The following PPM1A variants were observed in gnomAD, a reference collection of about 807,000 sequenced individuals.
PPM1A encodes the protein protein phosphatase, Mg2+/Mn2+ dependent 1A, also known as protein phosphatase 1A.
A neutral mutation model predicts 35.0 loss-of-function variants in PPM1A; 7 were observed. The ratio of observed to expected loss-of-function variants is 0.20; its 90% CI spans 0.11 to 0.38. The LOEUF (loss-of-function observed/expected upper bound fraction) is 0.38, where lower values mean the gene tolerates loss of function less well. PPM1A is among the 10% of genes least tolerant of loss of function. The pLI is 1.00. For synonymous variants in PPM1A, 153 were observed against 167.3 expected (o/e 0.91, Z 0.66); for missense variants, 239 against 467.8 (o/e 0.51, Z 4.51).
At chr14:60,276,597 GC>G (rs1358505004) in intron 1 of PPM1A, among the ~76,000 whole-genome samples, 2 of 152,116 alleles carry the variant, frequency 1.3e-5, no homozygotes, top group Non-Finnish European at 2.9e-5. Flanking sequence ...TGTTTATAAA[GC>G]CTGGGGGGCG....
chr14:60,279,838 T>C (rs1394113279), intron 1 of PPM1A, among the ~76,000 whole-genome samples: 1 of 152,168 alleles, frequency 6.6e-6, no homozygotes, highest in Non-Finnish European at 1.5e-5. Context: ...GGAGGAAATA[T>C]TATTGTGATT....
chr14:60,250,732 C>G (rs981469399), intron 1 of PPM1A, among the ~76,000 whole-genome samples: 2 of 152,170 alleles, frequency 1.3e-5, no homozygotes, highest in Non-Finnish European at 2.9e-5. Flanking sequence ...GTAAAACAGT[C>G]TTTTCAAACT....
chr14:60,248,234 A>ATTAACTTTAGCTCATCTC (rs1482246304), upstream of PPM1A, among the ~76,000 whole-genome samples: 1 of 152,138 alleles, frequency 6.6e-6, no homozygotes, highest in Non-Finnish European at 1.5e-5. Context: ...TGCAGTTTCT[A>ATTAACTTTAGCTCATCTC]TTAACTTTAG....
upstream of PPM1A, among the ~76,000 whole-genome samples, chr14:60,247,323 C>T (rs932780723): frequency 2.0e-5 from 3 of 151,864 alleles, no homozygotes; most frequent in African/African-American, 7.3e-5. Flanking sequence ...TGGAAATGAT[C>T]CACGATCATC....
rs762434790 is a variant in PPM1A, at chr14:60,282,765, G to C, written c.62G>C (p.Gly21Ala). The C allele has an allele frequency of 1.2e-6, 2 of 1,614,120 alleles. No individual in the cohort carries two copies. The highest frequency in any genetic ancestry group is 2.7e-5 in the African/African-American group (2 of 74,932). Residue 21 changes from glycine (G) to alanine (A), a missense_variant, in exon 2 of 6, where the codon GGG becomes GCG. This residue lies in a region of PPM1A where 175 missense variants were observed against 389.2 expected (regional missense o/e 0.45). Transcript: ENST00000395076. The surrounding 1 kb of genome is among the most constrained non-coding windows in gnomAD (Gnocchi z 5.1). ...CATAATGCCCAGGGGCAGGGTAATG[G>C]GTTGCGATATGGGCTAAGCAGCATG... ...EKHNAQGQGN[G>A]LRYGLSSMQG...
At chr14:60,291,559 A>T (rs1241971517) in intron 5 of PPM1A, 105 bp downstream of exon 5, 1 of 823,966 alleles carries the variant, frequency 1.2e-6, no homozygotes, top group African/African-American at 1.7e-5. Flanking sequence ...ATTCTCTTAC[A>T]CACACCCCTG....
At chr14:60,287,955 A>C (rs1267592873) in intron 3 of PPM1A, 1 of 984,780 alleles carries the variant, frequency 1.0e-6, no homozygotes, top group African/African-American at 1.7e-5. Context: ...TATGTGAAAC[A>C]TGGATCTTCT....
In PPM1A at chr14:60,278,995, T is replaced by C. The variant is rs552333578; in HGVS notation, c.-20-3689T>C. On this transcript the variant is annotated intron_variant, in intron 1 of 5. Transcript: ENST00000395076. Reference sequence around the variant, plus strand: ...CTTCAAGACAGCATGTTTCAGACTTTTTGTTGTGACCACAGTAAGAATTAT... The same window carrying C: ...CTTCAAGACAGCATGTTTCAGACTTCTTGTTGTGACCACAGTAAGAATTAT... 6.1e-4 allele frequency among the ~76,000 whole-genome samples: 93 copies of C among 152,334 alleles called. No homozygotes were observed. In the South Asian group the frequency reaches 8.1e-3, roughly 13 times the overall value.
chr14:60,268,354 A>G, intron 1 of PPM1A: 2 of 975,534 alleles, frequency 2.1e-6, no homozygotes, highest in South Asian at 4.7e-5. Flanking sequence ...GAGAACTGTT[A>G]CTTTCCTCCA....
rs1887625443 is a variant in PPM1A, at chr14:60,291,465, T to C, written c.1119+11T>C. 6 of 1,566,770 alleles carry C rather than the reference T, an allele frequency of 3.8e-6. No homozygotes were observed. Among genetic ancestry groups the C allele is most frequent in the Non-Finnish European group, 5.2e-6 (6 of 1,148,062 alleles). ...AAAAATGACGACACTGTAAGTAGCA[T>C]TTTAGCTCCCTCTGCTTTCCCTTCC... On this transcript the variant is annotated intron_variant, in intron 5 of 5. Transcript: ENST00000395076.
chr14:60,250,526 A>T, intron 1 of PPM1A: 4 of 716,806 alleles, frequency 5.6e-6, no homozygotes, highest in Non-Finnish European at 6.8e-6. Flanking sequence ...CAAATCCACA[A>T]AAGTCATGCT....
chr14:60,278,009 T>A (rs1417097587), intron 1 of PPM1A, among the ~76,000 whole-genome samples: 1 of 152,232 alleles, frequency 6.6e-6, no homozygotes, highest in African/African-American at 2.4e-5. Flanking sequence ...TCACCGTGGC[T>A]TAGTTTCTTC....
intron 1 of PPM1A, among the ~76,000 whole-genome samples, chr14:60,259,224 G>A (rs1209409091): frequency 6.6e-6 from 1 of 152,044 alleles, no homozygotes; most frequent in Non-Finnish European, 1.5e-5. Flanking sequence ...AAGTCTGTTA[G>A]AGGCAAATGC....
rs1449004866 is a variant in PPM1A, at chr14:60,298,890, T to A, written c.*6408T>A. 1 of 151,926 alleles carries A rather than the reference T, an allele frequency of 6.6e-6. No individual in the cohort carries two copies. Among genetic ancestry groups the A allele is most frequent in the Non-Finnish European group, 1.5e-5 (1 of 67,798 alleles). The allele number at this position is 151,926 out of a possible 1,614,324, so 9.4% of individuals were successfully genotyped here. A position where few individuals can be genotyped will look rare whatever the true frequency, so the allele number is the denominator to read the frequency against. On this transcript the variant is annotated 3_prime_UTR_variant, in exon 6 of 6. Coordinates refer to ENST00000395076, the MANE Select transcript of PPM1A (RefSeq NM_021003.5). ...TAAAGAAATTCCATAAATGTATATT[T>A]TGTATTATGTATTATTTCCTGGTCC...
chr14:60,263,442 TC>T lies in PPM1A; in HGVS notation c.-21+13766del, dbSNP rs558437492. On this transcript the variant is annotated intron_variant, in intron 1 of 5. Coordinates refer to ENST00000395076, the MANE Select transcript of PPM1A (RefSeq NM_021003.5). ...ATGGCAACTTTATTATTTTATTTCT[TC>T]AACTCAGTTGTCTAGTTTACTTCAT... Among the ~76,000 whole-genome samples the T allele has an allele frequency of 7.2e-5, 11 of 152,372 alleles. No individual in the cohort carries two copies. In the South Asian group the frequency reaches 2.3e-3, roughly 32 times the overall value.
chr14:60,285,460 GCACA>G (rs547581603), intron 2 of PPM1A, among the ~76,000 whole-genome samples, 160 bp from the exon 3 acceptor site: 2 of 124,710 alleles, frequency 1.6e-5, no homozygotes, highest in African/African-American at 4.6e-5. Flanking sequence ...GGGAGTCATT[GCACA>G]CACACACGCA....
chr14:60,292,310 T>C lies in PPM1A; in HGVS notation c.1120-143T>C. 3.5e-6 allele frequency: 2 copies of C among 572,330 alleles called. No individual in the cohort carries two copies. Among genetic ancestry groups the C allele is most frequent in the Non-Finnish European group, 6.2e-6 (2 of 321,828 alleles). The allele number at this position is 572,330 out of a possible 1,614,324, so 35.5% of individuals were successfully genotyped here. A position where few individuals can be genotyped will look rare whatever the true frequency, so the allele number is the denominator to read the frequency against. ...CATTGCTATTTCATATGTACACATA[T>C]ATACTTATATACTTTAAAAAACATT... is the stretch of plus-strand genomic sequence containing the variant. On this transcript the variant is annotated intron_variant, in intron 5 of 5. Coordinates refer to ENST00000395076, the MANE Select transcript of PPM1A (RefSeq NM_021003.5). This position sits in a 1 kb window ranked among gnomAD's most constrained non-coding sequence, Gnocchi z 4.2.
chr14:60,291,485 C>G, intron 5 of PPM1A, 31 bp downstream of exon 5: 3 of 1,515,606 alleles, frequency 2.0e-6, no homozygotes, highest in Non-Finnish European at 2.7e-6. Context: ...CTCTGCTTTC[C>G]CTTCCCCTCC....
At chr14:60,288,473 A>C (rs1202480313) in intron 3 of PPM1A, 2 of 983,634 alleles carry the variant, frequency 2.0e-6, no homozygotes, top group Non-Finnish European at 2.4e-6. Flanking sequence ...ATTTTTGTAC[A>C]GCAGATTTCC....
Sources: gnomAD v4.1 joint callset for allele counts (sites outside exome capture counted in the v4.1 genomes callset) on GRCh38, gnomAD v4.1.1 for gene constraint, gnomAD v4.1.1 regional missense constraint, Gnocchi (gnomAD v3.1) non-coding constraint, MANE v1.5 for transcripts, NCBI Gene and HGNC (gene_info 2026-07-23, HGNC 2026-07-21) for gene names.